Variants in CHD1L observed in about 807,000 individuals in gnomAD.
CHD1L encodes chromodomain helicase DNA binding protein 1 like, also known as ATP-dependent chromatin remodeler CHD1L.
Under a neutral mutation model 115.9 loss-of-function variants are expected in CHD1L, and 118 were observed. The observed-to-expected ratio is 1.02, with a 90% CI of 0.88 to 1.19. CHD1L has a LOEUF of 1.19. Ranked by LOEUF, CHD1L falls within the 50% of genes most tolerant of loss-of-function variation. The pLI is 0.00. For missense variants in CHD1L, 1,179 were observed against 1,065.3 expected, an observed-to-expected ratio of 1.11 and a Z score of -1.49; for synonymous variants, 411 against 387.1, an observed-to-expected ratio of 1.06 and a Z score of -0.72.
chr1:147,184,463 C>T, the CHD1L span: 2 of 1,403,334 alleles, frequency 1.4e-6, no homozygotes, highest in Non-Finnish European at 9.3e-7. This position sits in a 1 kb window ranked among gnomAD's most constrained non-coding sequence, Gnocchi z 4.4. Context: ...TGCAGGAGTC[C>T]ATCCAGGATA....
intron 9 of CHD1L, among the ~76,000 whole-genome samples, chr1:147,268,438 G>T (rs1354151016): frequency 2.6e-5 from 4 of 152,126 alleles, no homozygotes; most frequent in African/African-American, 9.7e-5. Context: ...TTTAAGAGGA[G>T]GGGGTGTTGG....
the CHD1L span, among the ~76,000 whole-genome samples, chr1:147,230,843 A>G: frequency 2.0e-5 from 3 of 150,098 alleles, no homozygotes; most frequent in East Asian, 6.0e-4. Flanking sequence ...TTTCTGTGGG[A>G]TTGGTGGTGA....
intron 1 of CHD1L, among the ~76,000 whole-genome samples, chr1:147,248,455 G>A (rs587766328): frequency 3.3e-5 from 5 of 152,126 alleles, no homozygotes; most frequent in Admixed American, 1.3e-4. Context: ...AGATCCTCCC[G>A]CCTCAGCCTC....
At chr1:147,198,224 A>G in the CHD1L span, among the ~76,000 whole-genome samples, 1 of 152,182 alleles carries the variant, frequency 6.6e-6, no homozygotes, top group Admixed American at 6.5e-5. Context: ...CAGAATTTAG[A>G]ATTTAATTTA....
chr1:147,252,551 A>G (rs959101219), intron 1 of CHD1L, 72 bp from the exon 2 acceptor site: 7 of 1,185,372 alleles, frequency 5.9e-6, no homozygotes, highest in East Asian at 2.4e-5. Flanking sequence ...TCCTCATTCA[A>G]ACTCTTAGAA....
the CHD1L span, among the ~76,000 whole-genome samples, chr1:147,229,194 A>G: frequency 2.6e-5 from 4 of 152,182 alleles, no homozygotes; most frequent in Non-Finnish European, 4.4e-5. Context: ...TATAAGGTGT[A>G]AGGAAGGGAT....
the CHD1L span, chr1:147,175,828 A>C: frequency 2.0e-5 from 3 of 152,076 alleles, no homozygotes; most frequent in Non-Finnish European, 4.4e-5. Flanking sequence ...CGATACATAC[A>C]ATAATATTGA....
At chr1:147,278,425 A>C (rs1379465473) in intron 14 of CHD1L, among the ~76,000 whole-genome samples, 1 of 150,984 alleles carries the variant, frequency 6.6e-6, no homozygotes, top group Non-Finnish European at 1.5e-5. Flanking sequence ...GGGTTTCACC[A>C]TGTTGGCCAG....
chr1:147,274,222 A>G (rs1388067186), intron 12 of CHD1L, among the ~76,000 whole-genome samples: 1 of 152,162 alleles, frequency 6.6e-6, no homozygotes, highest in Non-Finnish European at 1.5e-5. Flanking sequence ...CAACTACTCA[A>G]CTTCCCGACA....
intron 19 of CHD1L, among the ~76,000 whole-genome samples, chr1:147,289,916 A>G (rs1684839505): frequency 6.6e-6 from 1 of 152,174 alleles, no homozygotes; most frequent in Non-Finnish European, 1.5e-5. Flanking sequence ...GGGAGATGCC[A>G]TTCTGCGCAG....
chr1:147,179,337 C>T, the CHD1L span: 1,803 of 1,603,364 alleles, frequency 1.1e-3, 1 homozygote, highest in Non-Finnish European at 1.3e-3. Flanking sequence ...GGTGTGGTCA[C>T]TGTAAGAACC....
the CHD1L span, chr1:147,201,005 C>T: frequency 9.2e-6 from 6 of 649,924 alleles, no homozygotes; most frequent in Non-Finnish European, 1.6e-5. Context: ...ACTTTAGATT[C>T]ACTCAAAAAT....
Position 147,242,745 on chromosome 1 carries a change from T to TGGCTTCTTACTGC in CHD1L, c.49_61dup (p.His21LeufsTer7). On this transcript the variant is annotated frameshift_variant, in exon 1 of 23. Coordinates refer to ENST00000369258, the MANE Select transcript of CHD1L (RefSeq NM_004284.6). LOFTEE classifies it high-confidence loss of function. ...CTACTAGCCGCGGGGGCCAAGCCCC[T>TGGCTTCTTACTGC]GGCTTCTTACTGCGGCTTCATACTG... The TGGCTTCTTACTGC allele has an allele frequency of 7.9e-7, 1 of 1,263,364 alleles. No individual in the cohort carries two copies. The highest frequency in any genetic ancestry group is 1.0e-6 in the Non-Finnish European group (1 of 997,758). 78.3% of individuals were successfully genotyped at this position (1,263,364 alleles called of 1,614,324 possible). A position where few individuals can be genotyped will look rare whatever the true frequency, so the allele number is the denominator to read the frequency against.
the CHD1L span, among the ~76,000 whole-genome samples, chr1:147,194,796 G>T: frequency 6.6e-6 from 1 of 151,878 alleles, no homozygotes; most frequent in East Asian, 1.9e-4. Context: ...TGAAATTCTG[G>T]GTTGAAAATT....
At chr1:147,260,862 T>C (rs1349646822) in intron 6 of CHD1L, 1 of 152,236 alleles carries the variant, frequency 6.6e-6, no homozygotes, top group Non-Finnish European at 1.5e-5. Flanking sequence ...GGCCCTTTTT[T>C]CCGAGGAGTC....
chr1:147,276,494 C>T (rs1054329199), intron 14 of CHD1L, among the ~76,000 whole-genome samples: 1 of 152,148 alleles, frequency 6.6e-6, no homozygotes, highest in Non-Finnish European at 1.5e-5. Context: ...CTTCTTAGAT[C>T]TACTCTTTTT....
intron 6 of CHD1L, among the ~76,000 whole-genome samples, chr1:147,263,324 G>A (rs1261865989): frequency 6.6e-6 from 1 of 151,504 alleles, no homozygotes; most frequent in South Asian, 2.1e-4. Flanking sequence ...CAGCTACTGG[G>A]GAGGCTGAAG....
At chr1:147,241,014 C>T (rs995532712), upstream of CHD1L, among the ~76,000 whole-genome samples, 2 of 151,758 alleles carry the variant, frequency 1.3e-5, no homozygotes, top group Non-Finnish European at 2.9e-5. Flanking sequence ...TTAAGTCTCT[C>T]ATTCCACCCG....
At chr1:147,277,452 G>T (rs1407901332) in intron 14 of CHD1L, among the ~76,000 whole-genome samples, 3 of 152,198 alleles carry the variant, frequency 2.0e-5, no homozygotes, top group Non-Finnish European at 4.4e-5. Context: ...AAAAGACAGG[G>T]ATCCTGTTGT....
Sources: allele counts gnomAD v4.1 joint callset (sites outside exome capture counted in the v4.1 genomes callset), GRCh38; gene constraint gnomAD v4.1.1; non-coding constraint Gnocchi (gnomAD v3.1); transcripts MANE v1.5; gene names NCBI Gene and HGNC (gene_info 2026-07-23, HGNC 2026-07-21).